Variants in EPHX2 observed in about 807,000 individuals in gnomAD.
EPHX2 encodes the protein bifunctional epoxide hydrolase 2.
Under a neutral mutation model 78.7 loss-of-function variants are expected in EPHX2, and 74 were observed. The observed-to-expected ratio is 0.94, with a 90% CI of 0.78 to 1.14. EPHX2 has a LOEUF of 1.14. Ranked by LOEUF, EPHX2 falls within the 50% of genes most tolerant of loss-of-function variation. The pLI, the probability that EPHX2 is intolerant of heterozygous loss-of-function variation, is 0.00. For synonymous variants in EPHX2, 251 were observed against 255.2 expected, an observed-to-expected ratio of 0.98 and a Z score of 0.16; for missense variants, 715 against 702.5, an observed-to-expected ratio of 1.02 and a Z score of -0.20.
At chr8:27,518,112 T>G in intron 9 of EPHX2, 40 bp downstream of exon 9, 1 of 1,573,978 alleles carries the variant, frequency 6.4e-7, no homozygotes, top group Non-Finnish European at 8.6e-7. Context: ...CATCCTGCGA[T>G]TTTTGTTGCT....
At chr8:27,499,461 C>A (rs1354797436) in intron 1 of EPHX2, among the ~76,000 whole-genome samples, 1 of 152,152 alleles carries the variant, frequency 6.6e-6, no homozygotes, top group Non-Finnish European at 1.5e-5. Context: ...ACCACTGTTA[C>A]CTGCAAGAGG....
chr8:27,511,445 A>G (rs770160027), intron 5 of EPHX2, among the ~76,000 whole-genome samples: 12 of 152,276 alleles, frequency 7.9e-5, no homozygotes, highest in Non-Finnish European at 1.3e-4. Flanking sequence ...CGCCTCATGC[A>G]GTCATTCAGG....
intron 12 of EPHX2, among the ~76,000 whole-genome samples, chr8:27,531,672 G>A (rs989582786): frequency 6.6e-6 from 1 of 152,220 alleles, no homozygotes; most frequent in Non-Finnish European, 1.5e-5. Flanking sequence ...GGGCAGGAGG[G>A]CTGAGTGGGG....
Position 27,544,201 on chromosome 8 carries a change from A to C in EPHX2, c.1546A>C (p.Arg516=). Reference sequence around the variant, plus strand: ...TTCCTTTCAGATTCCCCACCTGAAAAGGGGACACATTGAGGACTGTGGGCA... The same window carrying C: ...TTCCTTTCAGATTCCCCACCTGAAACGGGGACACATTGAGGACTGTGGGCA... ...HMEDWIPHLK[R]GHIEDCGHWT... The change falls in exon 18 of 19, where the codon AGG becomes CGG. Residue 516 remains arginine, a synonymous_variant. Coordinates refer to ENST00000521400, the MANE Select transcript of EPHX2 (RefSeq NM_001979.6). The C allele has an allele frequency of 6.2e-7, 1 of 1,614,120 alleles. No individual in the cohort carries two copies. Among genetic ancestry groups the C allele is most frequent in the Middle Eastern group, 1.6e-4 (1 of 6,062 alleles).
chr8:27,547,969 C>T (rs1256411566), downstream of EPHX2, among the ~76,000 whole-genome samples: 1 of 152,054 alleles, frequency 6.6e-6, no homozygotes, highest in Non-Finnish European at 1.5e-5. Context: ...AGTATATTCC[C>T]CTCTGCTAAA....
chr8:27,538,048 T>C (rs1211183246), intron 13 of EPHX2, among the ~76,000 whole-genome samples: 1 of 152,216 alleles, frequency 6.6e-6, no homozygotes, highest in East Asian at 1.9e-4. Context: ...GTTGTTCTTG[T>C]TTACTTCACA....
At chr8:27,499,305 A>G (rs1813682180) in intron 1 of EPHX2, among the ~76,000 whole-genome samples, 1 of 152,170 alleles carries the variant, frequency 6.6e-6, no homozygotes, top group South Asian at 2.1e-4. Flanking sequence ...AAACGTTCAA[A>G]CCATAGCAGT....
intron 10 of EPHX2, among the ~76,000 whole-genome samples, chr8:27,521,864 A>G (rs1814659186): frequency 6.6e-6 from 1 of 152,138 alleles, no homozygotes; most frequent in Non-Finnish European, 1.5e-5. Context: ...TGTTTGTGTG[A>G]CAAAACCACC....
At chr8:27,513,733 G>C (rs1436866643) in intron 6 of EPHX2, among the ~76,000 whole-genome samples, 2 of 152,206 alleles carry the variant, frequency 1.3e-5, no homozygotes. Flanking sequence ...TCAATATGAA[G>C]CTGTGAGCCT....
chr8:27,508,362 G>GAT (rs1213145995), intron 5 of EPHX2, among the ~76,000 whole-genome samples: 1 of 152,210 alleles, frequency 6.6e-6, no homozygotes, highest in Non-Finnish European at 1.5e-5. Flanking sequence ...TTTTGAGAGT[G>GAT]ATACAGTTTA....
chr8:27,543,919 TTGTCATGTGGATAGGACCA>T, intron 17 of EPHX2, 90 bp downstream of exon 17: 1 of 1,357,616 alleles, frequency 7.4e-7, no homozygotes, highest in Non-Finnish European at 1.0e-6. Flanking sequence ...AAGATACACC[TTGTCATGTGGATAGGACCA>T]TGGTTGAAGC....
In EPHX2 at chr8:27,541,428, G is replaced by A. The variant is rs747164572; in HGVS notation, c.1380-45G>A. On this transcript the variant is annotated intron_variant, in intron 15 of 18. Coordinates refer to ENST00000521400, the MANE Select transcript of EPHX2 (RefSeq NM_001979.6). ...TTCTGCTGGTGTCTGTAGCAGAGCC[G>A]TCTACTTACTGCCTCCCTCTTTTTA... The A allele has an allele frequency of 1.8e-5, 28 of 1,598,122 alleles. No individual in the cohort carries two copies. In the East Asian group the frequency reaches 2.0e-4, roughly 11 times the overall value.
Position 27,544,462 on chromosome 8 carries a change from G to A in EPHX2, c.1608G>A (p.Gln536=), listed in dbSNP as rs773428885. 6.2e-7 allele frequency: 1 copy of A among 1,613,926 alleles called. No homozygotes were observed. The highest frequency in any genetic ancestry group is 1.3e-5 in the African/African-American group (1 of 74,876). The change falls in exon 19 of 19, where the codon CAG becomes CAA. Residue 536 remains glutamine (Q), a synonymous_variant. Transcript: ENST00000521400. The part of the protein sequence containing the change: ...TQMDKPTEVN[Q]ILIKWLDSDA... ...CCCCCAGGCCAACCGAGGTGAATCAGATCCTCATTAAGTGGCTGGATTCTG... is the reference window on the plus strand; with the variant it reads ...CCCCCAGGCCAACCGAGGTGAATCAAATCCTCATTAAGTGGCTGGATTCTG...
chr8:27,534,213 C>T (rs1211143835), intron 12 of EPHX2, among the ~76,000 whole-genome samples: 14 of 152,208 alleles, frequency 9.2e-5, no homozygotes, highest in Admixed American at 9.2e-4. Flanking sequence ...ACGGAGGGAA[C>T]TGTCATTAAC....
At position 27,544,577 on chromosome 8, in the gene EPHX2, A is replaced by G. The variant is rs2132811645; in HGVS notation, c.*55A>G. 3 of 1,585,316 alleles carry G rather than the reference A, an allele frequency of 1.9e-6. No homozygotes were observed. Among genetic ancestry groups the G allele is most frequent in the Non-Finnish European group, 2.6e-6 (3 of 1,155,352 alleles). The stretch of plus-strand genomic sequence containing the variant: ...GTGCCATCCTTCCACCTGCTGGGGC[A>G]CCATTCTTAGTATACAGAGGTGGCC... On this transcript the variant is annotated 3_prime_UTR_variant, in exon 19 of 19. Transcript: ENST00000521400.
At position 27,501,322 on chromosome 8, in the gene EPHX2, ATTT is replaced by A. The variant is rs1391898569; in HGVS notation, c.186+314_186+316del. 1.5e-4 allele frequency among the ~76,000 whole-genome samples: 17 copies of A among 115,678 alleles called. No homozygotes were observed. In the South Asian group the frequency reaches 2.2e-3, roughly 15 times the overall value. The allele number at this position is 115,678 out of a possible 152,430, so 75.9% of individuals were successfully genotyped here. ...GGTAAGAAAGAGGGAAATGCTATAT[ATTT>A]TCTTCTTCTTCTTCTTCTTCTTCTT... On this transcript the variant is annotated intron_variant, in intron 2 of 18. Transcript: ENST00000521400.
At chr8:27,528,335 C>A (rs1814917420) in intron 12 of EPHX2, among the ~76,000 whole-genome samples, 1 of 152,080 alleles carries the variant, frequency 6.6e-6, no homozygotes. Flanking sequence ...CTGAAAGATA[C>A]CCAGTAACCA....
intron 8 of EPHX2, among the ~76,000 whole-genome samples, chr8:27,517,610 T>A (rs978583430): frequency 2.0e-4 from 30 of 152,240 alleles, no homozygotes; most frequent in African/African-American, 6.5e-4. Context: ...GGTCAACTGA[T>A]CTTTGACAAG....
At chr8:27,530,068 T>C (rs1814982501) in intron 12 of EPHX2, among the ~76,000 whole-genome samples, 1 of 74,514 alleles carries the variant, frequency 1.3e-5, no homozygotes, top group Non-Finnish European at 2.2e-5. Flanking sequence ...TCTCTCTCTC[T>C]TTTTTTTTTT....
Sources: allele counts gnomAD v4.1 joint callset (sites outside exome capture counted in the v4.1 genomes callset), GRCh38; gene constraint gnomAD v4.1.1; transcripts MANE v1.5; gene names NCBI Gene and HGNC (gene_info 2026-07-23, HGNC 2026-07-21).